Variants in ZCCHC14 observed in about 807,000 individuals in gnomAD.
ZCCHC14 encodes zinc finger CCHC-type containing 14.
In ZCCHC14, 16 loss-of-function variants were observed where a neutral mutation model predicts 85.0. The observed-to-expected ratio is 0.19, with a 90% confidence interval of 0.13 to 0.29. ZCCHC14 has a LOEUF of 0.29. Among genes scored for constraint, ZCCHC14 ranks in the 10% least tolerant of loss-of-function variants. The pLI is 1.00. For synonymous variants in ZCCHC14, 775 were observed against 630.7 expected (o/e 1.23, Z -3.43); for missense variants, 1,303 against 1,443.5 (o/e 0.90, Z 1.58).
intron 1 of ZCCHC14, among the ~76,000 whole-genome samples, chr16:87,489,617 G>C (rs567931415): frequency 6.6e-6 from 1 of 152,232 alleles, no homozygotes; most frequent in Non-Finnish European, 1.5e-5. Flanking sequence ...CTGAGGGGCA[G>C]AAGGATCCTG....
chr16:87,449,888 T>A (rs1597429535), intron 2 of ZCCHC14, among the ~76,000 whole-genome samples: 2 of 151,972 alleles, frequency 1.3e-5, no homozygotes, highest in East Asian at 3.9e-4. Context: ...CTACAAAAAA[T>A]ATGAAAATTA....
At chr16:87,418,063 G>C in intron 7 of ZCCHC14, 1 of 353,656 alleles carries the variant, frequency 2.8e-6, no homozygotes, top group Non-Finnish European at 5.1e-6. Context: ...TTATGTATGT[G>C]TACGTCTCTG....
At chr16:87,442,820 A>T (rs2150745315) in intron 2 of ZCCHC14, among the ~76,000 whole-genome samples, 1 of 152,370 alleles carries the variant, frequency 6.6e-6, no homozygotes, top group African/African-American at 2.4e-5. Context: ...CTTTCGCATC[A>T]GAAACCATGA....
chr16:87,481,550 GGGA>G (rs1912276583), intron 1 of ZCCHC14, among the ~76,000 whole-genome samples: 1 of 61,762 alleles, frequency 1.6e-5, no homozygotes, highest in African/African-American at 5.3e-5. Flanking sequence ...GGTGGGGGGG[GGGA>G]AGGGTAAGCG....
intron 8 of ZCCHC14, among the ~76,000 whole-genome samples, chr16:87,416,681 G>C (rs901298740): frequency 6.6e-6 from 1 of 152,078 alleles, no homozygotes; most frequent in African/African-American, 2.4e-5. Context: ...GCTTGAACCC[G>C]GGAGGCAGAG....
Position 87,412,578 on chromosome 16 carries a change from G to C in ZCCHC14, c.2143C>G (p.Leu715Val). 1 of 1,614,152 alleles carries C rather than the reference G, an allele frequency of 6.2e-7. No individual in the cohort carries two copies. The highest frequency in any genetic ancestry group is 2.2e-5 in the East Asian group (1 of 44,868). ...GGTGACATGGAGCTGCTCTCCGAAA[G>C]CCCAGAGAGGACCTGCACAGGCTGG... ...PHQPVQVLSG[L>V]SESSSMSPTV... The change falls in exon 12 of 13, where the codon CTT (leucine) becomes GTT (valine). Residue 715 changes from leucine (L) to valine (V), a missense_variant. Around this residue, in one of 7 missense-constraint regions of ZCCHC14, gnomAD observed 797 missense variants for 730.8 expected, o/e 1.09. Transcript: ENST00000671377.
intron 2 of ZCCHC14, among the ~76,000 whole-genome samples, chr16:87,444,558 C>T (rs1248046345): frequency 6.6e-6 from 1 of 152,174 alleles, no homozygotes; most frequent in African/African-American, 2.4e-5. Flanking sequence ...TAGTGACTGT[C>T]ATCAGTAACG....
chr16:87,484,889 G>A (rs1912443710), intron 1 of ZCCHC14, among the ~76,000 whole-genome samples: 1 of 152,088 alleles, frequency 6.6e-6, no homozygotes, highest in African/African-American at 2.4e-5. Context: ...GAAGGAGGGA[G>A]ATAGAAATCA....
intron 3 of ZCCHC14, among the ~76,000 whole-genome samples, chr16:87,426,724 T>C (rs1909390463): frequency 6.6e-6 from 1 of 152,088 alleles, no homozygotes; most frequent in Admixed American, 6.5e-5. Context: ...TGGAGACCCC[T>C]GAGGAGAGCC....
intron 2 of ZCCHC14, among the ~76,000 whole-genome samples, chr16:87,451,456 C>A (rs974736824): frequency 3.9e-5 from 6 of 152,146 alleles, no homozygotes; most frequent in Admixed American, 1.3e-4. Context: ...ACTCAGCCTC[C>A]CAAAGTGCTG....
chr16:87,418,748 G>T, intron 7 of ZCCHC14, 99 bp downstream of exon 7: 1 of 1,207,380 alleles, frequency 8.3e-7, no homozygotes. Flanking sequence ...GACTCAACTT[G>T]AGCATGACTT....
intron 1 of ZCCHC14, among the ~76,000 whole-genome samples, chr16:87,483,304 C>A (rs1912370024): frequency 9.2e-5 from 4 of 43,662 alleles, no homozygotes; most frequent in Admixed American, 3.1e-4. Flanking sequence ...CTAAAAATAC[C>A]AAAAAAAAAA....
At chr16:87,465,112 G>GC (rs1380742422) in intron 1 of ZCCHC14, among the ~76,000 whole-genome samples, 1 of 152,190 alleles carries the variant, frequency 6.6e-6, no homozygotes, top group Non-Finnish European at 1.5e-5. Flanking sequence ...TCTGCCTGGG[G>GC]CCTTCGCCCT....
At chr16:87,469,462 G>A (rs1325664373) in intron 1 of ZCCHC14, among the ~76,000 whole-genome samples, 4 of 152,296 alleles carry the variant, frequency 2.6e-5, no homozygotes, top group East Asian at 3.9e-4. Flanking sequence ...CCAAGGAGGC[G>A]AGCGGAGCAC....
In ZCCHC14 at chr16:87,414,405, C is replaced by A. The variant is rs768172122; in HGVS notation, c.1603+9G>T. 6.3e-7 allele frequency: 1 copy of A among 1,576,146 alleles called. No homozygotes were observed. On this transcript the variant is annotated intron_variant, in intron 10 of 12. Transcript: ENST00000671377. ...GAGTAACCCATCTGCCCGACACACCCTTGTTCACCTGCTGCATGGCTGCCC... is the reference window on the plus strand; with the variant it reads ...GAGTAACCCATCTGCCCGACACACCATTGTTCACCTGCTGCATGGCTGCCC...
intron 2 of ZCCHC14, among the ~76,000 whole-genome samples, chr16:87,436,572 A>G (rs1317172046): frequency 6.6e-5 from 10 of 152,352 alleles, no homozygotes; most frequent in Admixed American, 6.5e-4. Flanking sequence ...AAAAACCACA[A>G]CAAGAAAAAA....
At chr16:87,439,981 A>G (rs944073883) in intron 2 of ZCCHC14, among the ~76,000 whole-genome samples, 1 of 152,088 alleles carries the variant, frequency 6.6e-6, no homozygotes, top group African/African-American at 2.4e-5. Flanking sequence ...TTAAAAGTTT[A>G]TTTATTTTAG....
rs1597394625 is a variant in ZCCHC14 at position 87,409,033 on chromosome 16, G to T, written c.*1247C>A. ...TCATTTCCGTGGGTTGAAATTTAGA[G>T]ATCTACAGTGAGGACTTTTATTACT... On this transcript the variant is annotated 3_prime_UTR_variant, in exon 13 of 13. Coordinates refer to ENST00000671377, the MANE Select transcript of ZCCHC14 (RefSeq NM_015144.3). 1 of 152,526 alleles carries T rather than the reference G, an allele frequency of 6.6e-6. No homozygotes were observed. Among genetic ancestry groups the T allele is most frequent in the Non-Finnish European group, 1.5e-5 (1 of 68,032 alleles). 9.4% of individuals were successfully genotyped at this position (152,526 alleles called of 1,614,324 possible). A position where few individuals can be genotyped will look rare whatever the true frequency, so the allele number is the denominator to read the frequency against.
intron 2 of ZCCHC14, among the ~76,000 whole-genome samples, chr16:87,434,620 C>T (rs1446468178): frequency 1.3e-5 from 2 of 152,250 alleles, no homozygotes; most frequent in African/African-American, 2.4e-5. Flanking sequence ...CCTGCACCAC[C>T]GTTCTCCAGA....
Sources: allele counts gnomAD v4.1 joint callset (sites outside exome capture counted in the v4.1 genomes callset), GRCh38; gene constraint gnomAD v4.1.1; regional missense constraint gnomAD v4.1.1; transcripts MANE v1.5; gene names NCBI Gene and HGNC (gene_info 2026-07-23, HGNC 2026-07-21).